UTRN: variants seen among roughly 807,000 people sequenced by gnomAD.
UTRN encodes the protein utrophin.
In UTRN, 283 loss-of-function variants were observed where a neutral mutation model predicts 463.9. That is an observed-to-expected ratio of 0.61 (90% CI 0.55 to 0.67). UTRN has a LOEUF of 0.67. Ranked by LOEUF, UTRN falls within the 30% of genes least tolerant of loss-of-function variation. The pLI is 0.00. For synonymous variants in UTRN, 1,442 were observed against 1,431.5 expected (o/e 1.01, Z -0.17); for missense variants, 3,922 against 4,084.3 (o/e 0.96, Z 1.08).
In UTRN at chr6:144,429,721, G is replaced by T; in HGVS notation, c.835G>T (p.Glu279Ter). 6.2e-7 allele frequency: 1 copy of T among 1,611,016 alleles called. No individual in the cohort carries two copies. The highest frequency in any genetic ancestry group is 8.5e-7 in the Non-Finnish European group (1 of 1,178,980). ...AAGGAAATATAAAAAAGAATGTGAAGAAGAGGCAATTAATATACAGGTACA... is the reference window on the plus strand; with the variant it reads ...AAGGAAATATAAAAAAGAATGTGAATAAGAGGCAATTAATATACAGGTACA... ...LPRKYKKECE[E>*]EAINIQSTAP... is the part of the protein sequence containing the mutation. The change falls in exon 9 of 75, where the codon GAA (glutamate) becomes TAA (stop). Residue 279 changes from glutamate (E) to a stop codon, truncating the protein, a stop_gained. Transcript: ENST00000367545. LOFTEE classifies it high-confidence loss of function.
chr6:144,827,486 C>G, intron 67 of UTRN, 100 bp downstream of exon 67: 2 of 1,596,822 alleles, frequency 1.3e-6, no homozygotes, highest in Middle Eastern at 1.7e-4. Context: ...CTTCTGTGTT[C>G]CGGGTAACAA....
intron 35 of UTRN, 114 bp downstream of exon 35, chr6:144,511,237 G>A (rs1795138809): frequency 2.0e-6 from 2 of 1,020,350 alleles, no homozygotes; most frequent in Non-Finnish European, 2.6e-6. Flanking sequence ...TCACAGTGAT[G>A]TTTTGCTTGT....
chr6:144,653,233 G>A (rs113617596), intron 51 of UTRN, among the ~76,000 whole-genome samples: 23 of 151,914 alleles, frequency 1.5e-4, no homozygotes, highest in East Asian at 1.4e-3. Context: ...CCTTTTTGGC[G>A]TATACATAGG....
chr6:144,381,198 A>C (rs1780885969), intron 2 of UTRN, among the ~76,000 whole-genome samples: 1 of 152,032 alleles, frequency 6.6e-6, no homozygotes, highest in Non-Finnish European at 1.5e-5. Flanking sequence ...AATAGACCCC[A>C]GTGTATATTG....
intron 58 of UTRN, among the ~76,000 whole-genome samples, chr6:144,762,178 C>T (rs1792773655): frequency 1.3e-5 from 2 of 152,132 alleles, no homozygotes; most frequent in African/African-American, 4.8e-5. Context: ...ACGCTTACAG[C>T]TTGCTTGAGA....
At chr6:144,722,743 G>T (rs1339767228) in intron 53 of UTRN, among the ~76,000 whole-genome samples, 1 of 152,052 alleles carries the variant, frequency 6.6e-6, no homozygotes, top group African/African-American at 2.4e-5. Context: ...TGACTAGCAG[G>T]TACCATATTG....
At chr6:144,807,456 A>G (rs1394628677) in intron 65 of UTRN, among the ~76,000 whole-genome samples, 2 of 152,080 alleles carry the variant, frequency 1.3e-5, no homozygotes, top group African/African-American at 4.8e-5. Flanking sequence ...CTAGGAAATG[A>G]TTTTTTGTCT....
chr6:144,296,730 C>T (rs897164053), intron 2 of UTRN, among the ~76,000 whole-genome samples: 2 of 152,208 alleles, frequency 1.3e-5, no homozygotes, highest in Non-Finnish European at 2.9e-5. Flanking sequence ...GTCCCTTACA[C>T]ATTTTGCACT....
chr6:144,765,269 C>G (rs1220614200), intron 58 of UTRN, among the ~76,000 whole-genome samples: 1 of 152,108 alleles, frequency 6.6e-6, no homozygotes, highest in South Asian at 2.1e-4. Flanking sequence ...TAAACTTTGT[C>G]TTATTGTTTT....
chr6:144,840,628 T>C (rs561577189), intron 72 of UTRN, 112 bp from the exon 73 acceptor site: 4 of 1,194,164 alleles, frequency 3.3e-6, no homozygotes, highest in South Asian at 1.4e-5. Context: ...GGAAATCTTT[T>C]CACATTGATA....
chr6:144,693,540 A>G (rs953957260), intron 52 of UTRN, among the ~76,000 whole-genome samples: 1 of 152,104 alleles, frequency 6.6e-6, no homozygotes, highest in South Asian at 2.1e-4. Context: ...ATGTTTTTCT[A>G]TTGGTTTGTG....
chr6:144,621,446 G>GT (rs35024449), intron 51 of UTRN, among the ~76,000 whole-genome samples: 97,974 of 151,942 alleles, frequency 0.64, 34,530 homozygotes, highest in East Asian at 0.94. Flanking sequence ...CATATCAAAT[G>GT]TATCTTATCA....
chr6:144,708,430 T>C (rs1785312594), intron 53 of UTRN: 2 of 639,964 alleles, frequency 3.1e-6, no homozygotes, highest in Non-Finnish European at 2.9e-6. Flanking sequence ...TCCTTTCTTC[T>C]CTAGAGGCTC....
At chr6:144,794,249 T>C (rs1460925204) in intron 63 of UTRN, among the ~76,000 whole-genome samples, 1 of 152,144 alleles carries the variant, frequency 6.6e-6, no homozygotes, top group Non-Finnish European at 1.5e-5. Context: ...TCCTGCCCTT[T>C]TCCTGGCCTC....
At position 144,351,636 on chromosome 6, in the gene UTRN, G is replaced by A. The variant is rs901112409; in HGVS notation, c.80-51487G>A. On this transcript the variant is annotated intron_variant, in intron 2 of 74. Transcript: ENST00000367545. ...AAGCAAAGGAAAAGGGCACGCAGCC[G>A]CCTCCCCTATGATTCTGTGCTCTTT... Among the ~76,000 whole-genome samples the A allele has an allele frequency of 5.9e-5, 9 of 152,190 alleles. No homozygotes were observed. In the East Asian group the frequency reaches 9.6e-4, roughly 16 times the overall value.
intron 50 of UTRN, among the ~76,000 whole-genome samples, chr6:144,573,430 A>G (rs1801141263): frequency 6.6e-6 from 1 of 151,934 alleles, no homozygotes; most frequent in Non-Finnish European, 1.5e-5. Flanking sequence ...GTGGTGGCAC[A>G]TCCCTGTAGT....
chr6:144,704,483 T>C (rs142386054), intron 53 of UTRN, among the ~76,000 whole-genome samples: 37 of 152,340 alleles, frequency 2.4e-4, no homozygotes, highest in Non-Finnish European at 4.4e-4. Flanking sequence ...CATGACACAG[T>C]ACAGAAAGGT....
intron 69 of UTRN, among the ~76,000 whole-genome samples, chr6:144,830,143 C>T (rs1327409068): frequency 6.6e-6 from 1 of 152,044 alleles, no homozygotes; most frequent in Non-Finnish European, 1.5e-5. Flanking sequence ...TTGTCATGCC[C>T]TGTGAACACA....
At chr6:144,736,423 C>T (rs947448383) in intron 54 of UTRN, among the ~76,000 whole-genome samples, 7 of 152,134 alleles carry the variant, frequency 4.6e-5, no homozygotes, top group African/African-American at 1.7e-4. Flanking sequence ...AAACACTTTC[C>T]TCCATGATTT....
Sources: allele counts gnomAD v4.1 joint callset (sites outside exome capture counted in the v4.1 genomes callset), GRCh38; gene constraint gnomAD v4.1.1; transcripts MANE v1.5; gene names NCBI Gene and HGNC (gene_info 2026-07-23, HGNC 2026-07-21).